Variants in KIF16B observed in about 807,000 individuals in gnomAD.
KIF16B encodes the protein kinesin-like protein KIF16B.
A neutral mutation model predicts 156.3 loss-of-function variants in KIF16B; 98 were observed. The ratio of observed to expected loss-of-function variants is 0.63; its 90% CI spans 0.53 to 0.74. KIF16B has a LOEUF of 0.74. Ranked by LOEUF, KIF16B falls within the 30% of genes least tolerant of loss-of-function variation. The pLI, the probability that KIF16B is intolerant of heterozygous loss-of-function variation, is 0.00. For missense variants in KIF16B, 1,421 were observed against 1,606.5 expected (o/e 0.88, Z 1.97); for synonymous variants, 564 against 583.7 (o/e 0.97, Z 0.49).
intron 12 of KIF16B, among the ~76,000 whole-genome samples, chr20:16,452,599 G>A (rs959075946): frequency 1.3e-5 from 2 of 152,050 alleles, no homozygotes; most frequent in African/African-American, 2.4e-5. Flanking sequence ...ACTTTAGGAC[G>A]CAGAGGTGGG....
intron 1 of KIF16B, among the ~76,000 whole-genome samples, chr20:16,564,405 C>T (rs564568709): frequency 1.8e-4 from 27 of 152,104 alleles, no homozygotes; most frequent in Non-Finnish European, 2.8e-4. Context: ...ACGTGTGCAT[C>T]GCAAGGACAA....
chr20:16,407,603 TAGAA>T (rs2065818681), intron 15 of KIF16B, among the ~76,000 whole-genome samples: 2 of 152,136 alleles, frequency 1.3e-5, no homozygotes, highest in South Asian at 4.1e-4. Flanking sequence ...GTCTAAGCTA[TAGAA>T]AGGAGAATGG....
chr20:16,282,513 T>C (rs1355301273), intron 25 of KIF16B, among the ~76,000 whole-genome samples: 1 of 151,840 alleles, frequency 6.6e-6, no homozygotes. Context: ...TCCTGGGAAT[T>C]GGTTACTTTT....
chr20:16,552,180 T>G (rs114692274), intron 1 of KIF16B, among the ~76,000 whole-genome samples: 3 of 152,166 alleles, frequency 2.0e-5, no homozygotes, highest in African/African-American at 7.2e-5. Context: ...CATGGCTCTG[T>G]CTGCATTTTC....
intron 17 of KIF16B, among the ~76,000 whole-genome samples, chr20:16,395,462 G>A (rs1365216604): frequency 1.3e-5 from 2 of 152,122 alleles, no homozygotes; most frequent in Non-Finnish European, 2.9e-5. Flanking sequence ...TCATATAAAT[G>A]TTGTCATCTG....
At chr20:16,571,028 A>G (rs1484713780) in intron 1 of KIF16B, among the ~76,000 whole-genome samples, 1 of 152,198 alleles carries the variant, frequency 6.6e-6, no homozygotes, top group East Asian at 1.9e-4. Context: ...CACACTTCAG[A>G]TAATGAACAA....
Position 16,371,748 on chromosome 20 carries a change from T to G in KIF16B, c.3364A>C (p.Ile1122Leu). 6.2e-7 allele frequency: 1 copy of G among 1,612,828 alleles called. No individual in the cohort carries two copies. Among genetic ancestry groups the G allele is most frequent in the Non-Finnish European group, 8.5e-7 (1 of 1,178,812 alleles). ...PLMDARINAY[I>L]EEEVQRRLQD... Reference sequence around the variant, plus strand: ...AGGCGTCTTTGGACTTCTTCTTCAATGTAAGCATTGATCCTGTAACACAAT... The same window carrying G: ...AGGCGTCTTTGGACTTCTTCTTCAAGGTAAGCATTGATCCTGTAACACAAT... Residue 1122 changes from isoleucine (I) to leucine (L), a missense_variant, in exon 21 of 26, where the codon ATT (isoleucine) becomes CTT (leucine). By Grantham distance (5) the Ile-to-Leu change is conservative. Coordinates refer to ENST00000354981, the MANE Select transcript of KIF16B (RefSeq NM_024704.5).
chr20:16,349,735 AG>A (rs1258387570), intron 23 of KIF16B, among the ~76,000 whole-genome samples: 1 of 152,168 alleles, frequency 6.6e-6, no homozygotes, highest in African/African-American at 2.4e-5. Flanking sequence ...GTGGTTCTTC[AG>A]TTGTAAAAAC....
rs2064442831 is a variant in KIF16B, at chr20:16,356,387, G to A, written c.3564C>T (p.Ile1188=). ...CTTGCCCGCAGAGGACGTAGCGTGG[G>A]ATACTAATTTTAATTGGGTCCTTCA... ...DDLKDPIKIS[I]PRYVLCGQGK... is the part of the protein sequence containing the mutation. Residue 1188 remains isoleucine, a synonymous_variant, in exon 23 of 26, where the codon ATC becomes ATT. Coordinates refer to ENST00000354981, the MANE Select transcript of KIF16B (RefSeq NM_024704.5). The A allele has an allele frequency of 1.2e-6, 2 of 1,614,076 alleles. No individual in the cohort carries two copies. The highest frequency in any genetic ancestry group is 1.6e-4 in the Middle Eastern group (1 of 6,084).
intron 22 of KIF16B, chr20:16,367,961 T>C (rs1298492362): frequency 1.4e-6 from 2 of 1,441,494 alleles, no homozygotes; most frequent in Non-Finnish European, 1.8e-6. Flanking sequence ...GCATGAAAAA[T>C]GCTCATTGAG....
intron 12 of KIF16B, among the ~76,000 whole-genome samples, chr20:16,433,190 G>A (rs2066548805): frequency 6.6e-6 from 1 of 152,120 alleles, no homozygotes; most frequent in Non-Finnish European, 1.5e-5. Context: ...GTCCTCATGG[G>A]AAGGTTTGGT....
At chr20:16,395,398 T>G (rs1309179080) in intron 17 of KIF16B, among the ~76,000 whole-genome samples, 1 of 139,974 alleles carries the variant, frequency 7.1e-6, no homozygotes, top group Non-Finnish European at 1.5e-5. Context: ...GGAGAAGATA[T>G]GAAAGAAATA....
chr20:16,433,714 T>C (rs573489295), intron 12 of KIF16B, among the ~76,000 whole-genome samples: 2 of 152,284 alleles, frequency 1.3e-5, no homozygotes, highest in African/African-American at 4.8e-5. Context: ...GATGAATTTA[T>C]GATTAATGCT....
intron 22 of KIF16B, among the ~76,000 whole-genome samples, chr20:16,370,221 C>G (rs182107949): frequency 6.6e-6 from 1 of 152,270 alleles, no homozygotes; most frequent in East Asian, 1.9e-4. Flanking sequence ...CTTTATACTA[C>G]TACCAACTCA....
At chr20:16,526,044 C>A in intron 3 of KIF16B, 48 bp downstream of exon 3, 1 of 1,090,156 alleles carries the variant, frequency 9.2e-7, no homozygotes, top group Non-Finnish European at 1.4e-6. Flanking sequence ...GCATGTTTTT[C>A]TCAATGTGAA....
At chr20:16,454,938 T>C (rs1016473938) in intron 12 of KIF16B, among the ~76,000 whole-genome samples, 3 of 152,186 alleles carry the variant, frequency 2.0e-5, no homozygotes, top group Non-Finnish European at 4.4e-5. Flanking sequence ...AGACTCAATA[T>C]GTGCATGGGA....
chr20:16,284,709 A>G (rs76300717), intron 25 of KIF16B, among the ~76,000 whole-genome samples: 11,986 of 152,252 alleles, frequency 0.079, 621 homozygotes, highest in Non-Finnish European at 0.12. Context: ...GGTCATTCTT[A>G]GAATTCTCCC....
chr20:16,445,583 C>A (rs2066911494), intron 12 of KIF16B, among the ~76,000 whole-genome samples: 1 of 151,708 alleles, frequency 6.6e-6, no homozygotes, highest in Non-Finnish European at 1.5e-5. Context: ...TCAGGAGCAG[C>A]CTTGATGACC....
intron 15 of KIF16B, among the ~76,000 whole-genome samples, chr20:16,422,038 T>C (rs2066239662): frequency 6.6e-6 from 1 of 152,144 alleles, no homozygotes; most frequent in South Asian, 2.1e-4. Context: ...TTAACCAGAA[T>C]AGGCATATTA....
Sources: allele counts gnomAD v4.1 joint callset (sites outside exome capture counted in the v4.1 genomes callset), GRCh38; gene constraint gnomAD v4.1.1; transcripts MANE v1.5; gene names NCBI Gene and HGNC (gene_info 2026-07-23, HGNC 2026-07-21).